CCSER1: variants seen among roughly 807,000 people sequenced by gnomAD.
CCSER1 encodes the protein coiled-coil serine rich protein 1.
Under a neutral mutation model 82.0 loss-of-function variants are expected in CCSER1, and 41 were observed. The ratio of observed to expected loss-of-function variants is 0.50; its 90% CI spans 0.39 to 0.65. The LOEUF (loss-of-function observed/expected upper bound fraction) is 0.65. Among genes scored for constraint, CCSER1 ranks in the 30% least tolerant of loss-of-function variants. CCSER1 has a pLI of 0.00. For synonymous variants in CCSER1, 414 were observed against 383.9 expected (o/e 1.08, Z -0.92); for missense variants, 1,119 against 1,064.2 (o/e 1.05, Z -0.72).
chr4:91,045,971 C>A lies in CCSER1; in HGVS notation c.2173-39979C>A, dbSNP rs554188505. 2.3e-4 allele frequency among the ~76,000 whole-genome samples: 14 copies of A among 60,196 alleles called. No individual in the cohort carries two copies. In the East Asian group the frequency reaches 3.8e-3, roughly 16 times the overall value. The allele number at this position is 60,196 out of a possible 152,430, so 39.5% of individuals were successfully genotyped here. A position where few individuals can be genotyped will look rare whatever the true frequency, so the allele number is the denominator to read the frequency against. On this transcript the variant is annotated intron_variant, in intron 9 of 10. Coordinates refer to ENST00000509176, the MANE Select transcript of CCSER1 (RefSeq NM_001145065.2). ...ATTACAGTCAAAGGGGGTTCTCTGG[C>A]CGGCAGGGGCAGGGGTCACAAGGTG...
chr4:90,975,684 C>T (rs1735549631), intron 9 of CCSER1, among the ~76,000 whole-genome samples: 1 of 151,108 alleles, frequency 6.6e-6, no homozygotes, highest in Non-Finnish European at 1.5e-5. Context: ...ATTTTTGTTG[C>T]TAAACAGATG....
chr4:90,216,357 A>C (rs1741028941), intron 1 of CCSER1, among the ~76,000 whole-genome samples: 1 of 152,172 alleles, frequency 6.6e-6, no homozygotes, highest in Non-Finnish European at 1.5e-5. Flanking sequence ...AAAGACTCAA[A>C]GGATTTCTCC....
Position 90,582,493 on chromosome 4 carries a change from C to A in CCSER1, c.1725-45532C>A, listed in dbSNP as rs1360634949. 3.3e-5 allele frequency among the ~76,000 whole-genome samples: 5 copies of A among 152,208 alleles called. No individual in the cohort carries two copies. The South Asian group carries it at 8.3e-4, about 25-fold the overall frequency. ...GCTACTCCACATGATTAGTACAAAG[C>A]AAATTAAATAATGACTATAAAAGCA... On this transcript the variant is annotated intron_variant, in intron 5 of 10. Transcript: ENST00000509176.
intron 5 of CCSER1, among the ~76,000 whole-genome samples, chr4:90,550,744 G>A (rs976061162): frequency 6.6e-6 from 1 of 152,060 alleles, no homozygotes; most frequent in African/African-American, 2.4e-5. Context: ...TTTTTACACA[G>A]CAAAAATATA....
At chr4:90,159,143 C>G (rs1344806667) in intron 1 of CCSER1, among the ~76,000 whole-genome samples, 1 of 152,126 alleles carries the variant, frequency 6.6e-6, no homozygotes, top group Non-Finnish European at 1.5e-5. Flanking sequence ...AAGTGGTCCT[C>G]CTACCTCAGC....
At chr4:91,362,396 C>T (rs147625628) in intron 10 of CCSER1, among the ~76,000 whole-genome samples, 35 of 151,896 alleles carry the variant, frequency 2.3e-4, no homozygotes, top group African/African-American at 7.9e-4. Flanking sequence ...TCTTTCCTCA[C>T]ACACATACAC....
chr4:90,358,344 T>C (rs1744715489), intron 3 of CCSER1, among the ~76,000 whole-genome samples: 1 of 152,118 alleles, frequency 6.6e-6, no homozygotes, highest in Non-Finnish European at 1.5e-5. Flanking sequence ...CCACTGACTT[T>C]TACATCCTCC....
At chr4:90,988,665 TATAA>T (rs1319901357) in intron 9 of CCSER1, among the ~76,000 whole-genome samples, 1 of 151,842 alleles carries the variant, frequency 6.6e-6, no homozygotes, top group Non-Finnish European at 1.5e-5. Flanking sequence ...AAATGAAAAC[TATAA>T]ATACTTATAA....
chr4:90,753,334 C>G lies in CCSER1; in HGVS notation c.2010+29343C>G, dbSNP rs1246387924. Among the ~76,000 whole-genome samples the G allele has an allele frequency of 5.3e-5, 8 of 152,128 alleles. No homozygotes were observed. The South Asian group carries it at 1.5e-3, about 28-fold the overall frequency. ...CAAACAGAAGGTATGGAGAGCTTTC[C>G]CCTCATTTGCTTCTCCTTTAATGTC... On this transcript the variant is annotated intron_variant, in intron 7 of 10. Transcript: ENST00000509176.
intron 10 of CCSER1, among the ~76,000 whole-genome samples, chr4:91,380,574 C>A (rs964044439): frequency 3.0e-4 from 45 of 152,086 alleles, no homozygotes; most frequent in Non-Finnish European, 1.3e-4. Flanking sequence ...TGCAACCCTG[C>A]CTTTTTTTGT....
At chr4:91,292,451 C>T (rs1743824440) in intron 10 of CCSER1, among the ~76,000 whole-genome samples, 1 of 151,860 alleles carries the variant, frequency 6.6e-6, no homozygotes, top group Admixed American at 6.6e-5. Context: ...CTAGATTACT[C>T]AGACAACCCA....
chr4:90,612,623 T>G (rs1785679817), intron 5 of CCSER1, among the ~76,000 whole-genome samples: 1 of 152,170 alleles, frequency 6.6e-6, no homozygotes, highest in Non-Finnish European at 1.5e-5. Context: ...AAGGTCAGTC[T>G]TAGAATAGCT....
intron 8 of CCSER1, among the ~76,000 whole-genome samples, chr4:90,821,092 C>T (rs957796469): frequency 6.6e-6 from 1 of 152,080 alleles, no homozygotes; most frequent in African/African-American, 2.4e-5. Flanking sequence ...TATTCCCCAC[C>T]CACTTAATGA....
At chr4:90,739,637 A>G (rs1746212014) in intron 7 of CCSER1, among the ~76,000 whole-genome samples, 1 of 152,190 alleles carries the variant, frequency 6.6e-6, no homozygotes, top group Admixed American at 6.5e-5. Context: ...TCAGGTTCCA[A>G]TTGCTGGGAT....
chr4:90,367,648 A>G lies in CCSER1; in HGVS notation c.1510-32388A>G, dbSNP rs574963540. ...CTAAGAATATAAAATGAGGAAAAAA[A>G]TGAAACAGAAAGACCTTTGCAAGAA... On this transcript the variant is annotated intron_variant, in intron 3 of 10. Transcript: ENST00000509176. Among the ~76,000 whole-genome samples, 8 of 152,100 alleles carry G rather than the reference A, an allele frequency of 5.3e-5. No individual in the cohort carries two copies. In the South Asian group the frequency reaches 1.7e-3, roughly 32 times the overall value.
intron 5 of CCSER1, among the ~76,000 whole-genome samples, chr4:90,570,413 T>C (rs1779959379): frequency 6.6e-6 from 1 of 152,036 alleles, no homozygotes; most frequent in Non-Finnish European, 1.5e-5. Context: ...CTACACTAGT[T>C]ACAAACCCAT....
At chr4:90,849,385 T>C (rs1763575299) in intron 8 of CCSER1, among the ~76,000 whole-genome samples, 1 of 152,084 alleles carries the variant, frequency 6.6e-6, no homozygotes. Flanking sequence ...ACTTTTAACT[T>C]GAGAGAGATG....
intron 1 of CCSER1, 55 bp from the exon 2 acceptor site, chr4:90,308,189 T>C (rs1038284875): frequency 8.0e-7 from 1 of 1,252,360 alleles, no homozygotes; most frequent in Non-Finnish European, 1.1e-6. Context: ...TTTTAAAATG[T>C]ATTATTTGTA....
At chr4:91,118,805 A>T (rs1166703333) in intron 10 of CCSER1, among the ~76,000 whole-genome samples, 2 of 152,174 alleles carry the variant, frequency 1.3e-5, no homozygotes, top group Non-Finnish European at 2.9e-5. Context: ...AGACTGTGTC[A>T]TTTTGAAAAT....
Sources: gnomAD v4.1 joint callset for allele counts (sites outside exome capture counted in the v4.1 genomes callset) on GRCh38, gnomAD v4.1.1 for gene constraint, MANE v1.5 for transcripts, NCBI Gene and HGNC (gene_info 2026-07-23, HGNC 2026-07-21) for gene names.